Variants in CSMD1 observed in about 807,000 individuals in gnomAD.
CSMD1 encodes the protein CUB and sushi domain-containing protein 1.
Under a neutral mutation model 417.5 loss-of-function variants are expected in CSMD1, and 213 were observed. That is an observed-to-expected ratio of 0.51 (90% CI 0.46 to 0.57). The LOEUF is 0.57. Among genes scored for constraint, CSMD1 ranks in the 20% least tolerant of loss-of-function variants. CSMD1 has a pLI of 0.00. For synonymous variants in CSMD1, 2,862 were observed against 1,736.8 expected (o/e 1.65, Z -16.11); for missense variants, 6,923 against 4,529.7 (o/e 1.53, Z -15.17).
intron 3 of CSMD1, among the ~76,000 whole-genome samples, chr8:4,345,249 C>G (rs1800713023): frequency 6.6e-6 from 1 of 152,084 alleles, no homozygotes; most frequent in African/African-American, 2.4e-5. Flanking sequence ...GTGAAATGGA[C>G]ATGAAAATTA....
intron 3 of CSMD1, among the ~76,000 whole-genome samples, chr8:4,218,304 G>A (rs566871973): frequency 3.3e-4 from 51 of 152,278 alleles, no homozygotes; most frequent in African/African-American, 1.2e-3. Flanking sequence ...TTCCTATACT[G>A]TGAATTCTTA....
In CSMD1 at chr8:3,564,986, G is replaced by C. The variant is rs528371545; in HGVS notation, c.1344+9959C>G. ...AATGATGAATAGCTAAGGAATGCTG[G>C]GCTTAATACCTAGGTGATGGGAAGC... On this transcript the variant is annotated intron_variant, in intron 10 of 69. Transcript: ENST00000635120. 1.3e-4 allele frequency among the ~76,000 whole-genome samples: 19 copies of C among 141,050 alleles called. No homozygotes were observed. The South Asian group carries it at 4.1e-3, about 30-fold the overall frequency. The allele number at this position is 141,050 out of a possible 152,430, so 92.5% of individuals were successfully genotyped here.
chr8:3,942,708 G>A (rs1157359665), intron 5 of CSMD1, among the ~76,000 whole-genome samples: 5 of 152,094 alleles, frequency 3.3e-5, no homozygotes, highest in Admixed American at 2.0e-4. Context: ...AAATTTCTGT[G>A]TTCTTAATAT....
chr8:4,754,883 A>C lies in CSMD1; in HGVS notation c.86-117325T>G, dbSNP rs115494987. Among the ~76,000 whole-genome samples the C allele has an allele frequency of 3.5e-3, 529 of 151,908 alleles. 2 individuals are homozygous for C. Among genetic ancestry groups the C allele is most frequent in the African/African-American group, 0.012 (511 of 41,410 alleles). ...GATGAGTGTGGTGGTTCACACCTGT[A>C]ATCCAAGCACTTTGTGAATCCAAGG... On this transcript the variant is annotated intron_variant, in intron 1 of 69. Transcript: ENST00000635120.
chr8:3,162,397 CTT>C lies in CSMD1; in HGVS notation c.5726-122_5726-121del, dbSNP rs922398572. Reference sequence around the variant, plus strand: ...GTAGAAATGAACAAAGACTTCAACTCTTTCTCTTGTTATTCTACCAAGAAGAC... The same window carrying C: ...GTAGAAATGAACAAAGACTTCAACTCTCTCTTGTTATTCTACCAAGAAGAC... On this transcript the variant is annotated intron_variant, in intron 37 of 69. Coordinates refer to ENST00000635120, the MANE Select transcript of CSMD1 (RefSeq NM_033225.6). 2.2e-4 allele frequency: 145 copies of C among 671,882 alleles called. No individual in the cohort carries two copies. In the African/African-American group the frequency reaches 2.4e-3, roughly 11 times the overall value. The allele number at this position is 671,882 out of a possible 1,614,324, so 41.6% of individuals were successfully genotyped here.
At chr8:4,486,314 C>A (rs931402392) in intron 2 of CSMD1, among the ~76,000 whole-genome samples, 1 of 148,198 alleles carries the variant, frequency 6.7e-6, no homozygotes, top group African/African-American at 2.5e-5. Flanking sequence ...GCTTTTATCC[C>A]CCTAGCTACA....
intron 2 of CSMD1, among the ~76,000 whole-genome samples, chr8:4,455,955 A>AAAAAAAAAC: frequency 7.0e-6 from 1 of 142,888 alleles, no homozygotes; most frequent in Non-Finnish European, 1.5e-5. Flanking sequence ...AAAAAAAAAA[A>AAAAAAAAAC]AAAAAAAATG....
At chr8:3,499,299 G>A (rs4242514) in intron 10 of CSMD1, among the ~76,000 whole-genome samples, 13,378 of 152,196 alleles carry the variant, frequency 0.088, 725 homozygotes, top group East Asian at 0.22. Flanking sequence ...AGCCTTGGCT[G>A]CAGGTGTTTG....
At chr8:3,817,252 CTTTTTTTTTTTT>C (rs767668610) in intron 5 of CSMD1, among the ~76,000 whole-genome samples, 15 of 54,414 alleles carry the variant, frequency 2.8e-4, no homozygotes, top group African/African-American at 6.1e-4. Context: ...TCTTCTTCTT[CTTTTTTTTTTTT>C]TTTTTTTTTT....
chr8:4,552,670 G>A (rs1250194403), intron 2 of CSMD1, among the ~76,000 whole-genome samples: 1 of 152,052 alleles, frequency 6.6e-6, no homozygotes, highest in Non-Finnish European at 1.5e-5. Flanking sequence ...CCTAGCAATC[G>A]ATCTTAATGA....
chr8:4,382,818 A>G (rs759384195), intron 3 of CSMD1, among the ~76,000 whole-genome samples: 1 of 152,254 alleles, frequency 6.6e-6, no homozygotes, highest in Non-Finnish European at 1.5e-5. Context: ...TTAAACCAAT[A>G]TCATTACATT....
intron 11 of CSMD1, among the ~76,000 whole-genome samples, chr8:3,491,771 T>C (rs1455496738): frequency 1.3e-5 from 2 of 152,154 alleles, no homozygotes; most frequent in East Asian, 1.9e-4. Flanking sequence ...TTTACTAGCA[T>C]GGAAATATGG....
At chr8:4,762,222 G>T (rs770347291) in intron 1 of CSMD1, among the ~76,000 whole-genome samples, 3 of 152,022 alleles carry the variant, frequency 2.0e-5, no homozygotes, top group Non-Finnish European at 4.4e-5. Flanking sequence ...ATATCTGCAT[G>T]GTACCTGCTT....
chr8:4,550,122 G>T (rs755291042), intron 2 of CSMD1, among the ~76,000 whole-genome samples: 2 of 151,624 alleles, frequency 1.3e-5, no homozygotes, highest in Non-Finnish European at 2.9e-5. Flanking sequence ...CTTTTCCCCA[G>T]TTCTCCTTTT....
Position 3,598,232 on chromosome 8 carries a change from T to C in CSMD1, c.1098-11972A>G, listed in dbSNP as rs1265383469. ...AGGGAAGTTAATGCTAAAATTATAC[T>C]GTGCTGTGTAGATGCATGAACTCCA... On this transcript the variant is annotated intron_variant, in intron 8 of 69. Transcript: ENST00000635120. 3 of 152,202 alleles carry C rather than the reference T, an allele frequency of 2.0e-5. No individual in the cohort carries two copies. The East Asian group carries it at 5.8e-4, about 29-fold the overall frequency. The allele number at this position is 152,202 out of a possible 1,614,324, so 9.4% of individuals were successfully genotyped here.
At chr8:4,290,120 A>G (rs117460808) in intron 3 of CSMD1, among the ~76,000 whole-genome samples, 3,200 of 152,334 alleles carry the variant, frequency 0.021, 51 homozygotes, top group Middle Eastern at 0.034. Context: ...AACGGAATCA[A>G]ATACAAACAG....
At chr8:3,273,150 G>T (rs1386835322) in intron 26 of CSMD1, among the ~76,000 whole-genome samples, 1 of 151,408 alleles carries the variant, frequency 6.6e-6, no homozygotes, top group Non-Finnish European at 1.5e-5. Flanking sequence ...AAAGGTTGTT[G>T]AATTTTGTCA....
At chr8:3,317,122 C>T (rs576368464) in intron 23 of CSMD1, among the ~76,000 whole-genome samples, 5 of 152,140 alleles carry the variant, frequency 3.3e-5, no homozygotes, top group African/African-American at 7.2e-5. Context: ...AAAAATGCAG[C>T]TCATGGGAGA....
At chr8:3,408,992 G>A (rs558679989) in intron 13 of CSMD1, among the ~76,000 whole-genome samples, 3 of 152,196 alleles carry the variant, frequency 2.0e-5, no homozygotes, top group Admixed American at 2.0e-4. Context: ...AAGAGGAAGT[G>A]GGCAGCTCAT....
Sources: gnomAD v4.1 joint callset for allele counts (sites outside exome capture counted in the v4.1 genomes callset) on GRCh38, gnomAD v4.1.1 for gene constraint, MANE v1.5 for transcripts, NCBI Gene and HGNC (gene_info 2026-07-23, HGNC 2026-07-21) for gene names.